SGCZ: variants seen among roughly 807,000 people sequenced by gnomAD.
The protein encoded by SGCZ is sarcoglycan zeta.
A neutral mutation model predicts 41.3 loss-of-function variants in SGCZ; 40 were observed. That is an observed-to-expected ratio of 0.97 (90% CI 0.75 to 1.26). The LOEUF is 1.26. SGCZ is among the 50% of genes most tolerant of loss of function. The pLI is 0.00. For missense variants in SGCZ, 552 were observed against 369.8 expected (o/e 1.49, Z -4.04); for synonymous variants, 206 against 137.5 (o/e 1.50, Z -3.49).
intron 1 of SGCZ, among the ~76,000 whole-genome samples, chr8:14,726,323 T>TA (rs1491404771): frequency 1.7e-5 from 2 of 116,990 alleles, no homozygotes; most frequent in Non-Finnish European, 3.3e-5. Context: ...TATATATATA[T>TA]CTATATATAT....
chr8:14,648,097 C>G (rs1196579874), intron 1 of SGCZ, among the ~76,000 whole-genome samples: 1 of 151,958 alleles, frequency 6.6e-6, no homozygotes, highest in Non-Finnish European at 1.5e-5. Flanking sequence ...CAGGCAAAAA[C>G]TCCAATTCCA....
chr8:14,542,684 T>A (rs1259616616), intron 2 of SGCZ, among the ~76,000 whole-genome samples: 1 of 152,118 alleles, frequency 6.6e-6, no homozygotes. Flanking sequence ...ACTACATCAC[T>A]TCTCTCCATT....
intron 1 of SGCZ, among the ~76,000 whole-genome samples, chr8:14,661,841 TAA>T (rs34935358): frequency 2.0e-5 from 3 of 150,452 alleles, no homozygotes; most frequent in African/African-American, 7.3e-5. Context: ...CTCAAATTGT[TAA>T]AAAAAAAAGA....
intron 1 of SGCZ, among the ~76,000 whole-genome samples, chr8:15,179,789 A>C (rs1353303312): frequency 6.6e-6 from 1 of 152,182 alleles, no homozygotes; most frequent in Non-Finnish European, 1.5e-5. Context: ...CAAAATAAAA[A>C]CGGGTTTGGA....
At chr8:14,611,768 C>T (rs994379461) in intron 1 of SGCZ, among the ~76,000 whole-genome samples, 1 of 151,850 alleles carries the variant, frequency 6.6e-6, no homozygotes, top group Non-Finnish European at 1.5e-5. Context: ...GGAAACAATA[C>T]AAATTTATAT....
chr8:14,632,263 T>G (rs563342483), intron 1 of SGCZ, among the ~76,000 whole-genome samples: 14 of 152,188 alleles, frequency 9.2e-5, no homozygotes, highest in African/African-American at 3.4e-4. Context: ...GCTCATGTGA[T>G]TCTCCCACAT....
chr8:14,515,113 C>G (rs1464366901), intron 2 of SGCZ, among the ~76,000 whole-genome samples: 1 of 151,962 alleles, frequency 6.6e-6, no homozygotes, highest in East Asian at 1.9e-4. Context: ...TTGCTTACAG[C>G]CAGCTCTAGG....
intron 1 of SGCZ, among the ~76,000 whole-genome samples, chr8:14,569,604 G>C (rs1188784964): frequency 6.6e-6 from 1 of 152,168 alleles, no homozygotes; most frequent in Non-Finnish European, 1.5e-5. Flanking sequence ...ACATTCTCTT[G>C]ATGGACACAG....
intron 1 of SGCZ, among the ~76,000 whole-genome samples, chr8:14,738,837 G>C (rs1799121689): frequency 1.3e-5 from 2 of 151,978 alleles, no homozygotes; most frequent in South Asian, 4.1e-4. Context: ...ACGGGCCGCA[G>C]GACAGGGAGT....
intron 1 of SGCZ, among the ~76,000 whole-genome samples, chr8:15,211,209 T>A (rs963291480): frequency 6.6e-6 from 1 of 151,766 alleles, no homozygotes; most frequent in Non-Finnish European, 1.5e-5. Flanking sequence ...ACAGACAGAA[T>A]ATAATACATA....
rs564039308 is a variant in SGCZ at position 14,421,894 on chromosome 8, T to C, written c.235-97690A>G. On this transcript the variant is annotated intron_variant, in intron 2 of 7. Coordinates refer to ENST00000382080, the MANE Select transcript of SGCZ (RefSeq NM_139167.4). The stretch of plus-strand genomic sequence containing the variant: ...AATCCAGAATCCTGCAATGTAACAT[T>C]TTAAGAATGTTAGTGGGAAGCTTAT... Among the ~76,000 whole-genome samples the C allele has an allele frequency of 1.5e-4, 23 of 152,222 alleles. 1 individual carries two copies. Among genetic ancestry groups the C allele is most frequent in the Non-Finnish European group, 2.9e-4 (20 of 67,996 alleles).
At chr8:15,178,801 G>A (rs202020930) in intron 1 of SGCZ, among the ~76,000 whole-genome samples, 1 of 121,900 alleles carries the variant, frequency 8.2e-6, no homozygotes, top group Non-Finnish European at 2.0e-5. Context: ...GTGCAGGGAA[G>A]GAAAAAAACT....
intron 1 of SGCZ, among the ~76,000 whole-genome samples, chr8:14,994,578 G>A (rs1484494727): frequency 1.2e-4 from 18 of 146,728 alleles, no homozygotes; most frequent in Non-Finnish European, 2.5e-4. Context: ...GAGCAAAACT[G>A]TGCATCCAAA....
chr8:14,257,449 T>C (rs1333532894), intron 3 of SGCZ, among the ~76,000 whole-genome samples: 1 of 151,968 alleles, frequency 6.6e-6, no homozygotes, highest in African/African-American at 2.4e-5. Flanking sequence ...TCTTTCTTTT[T>C]TTTTAATACA....
chr8:14,745,207 C>CTG (rs112838518), intron 1 of SGCZ, among the ~76,000 whole-genome samples: 76,780 of 150,944 alleles, frequency 0.51, 21,536 homozygotes, highest in African/African-American at 0.77. Flanking sequence ...TTTAACACTA[C>CTG]TGTGTGTGTG....
chr8:14,804,124 G>C lies in SGCZ; in HGVS notation c.40-249198C>G, dbSNP rs375237839. On this transcript the variant is annotated intron_variant, in intron 1 of 7. Coordinates refer to ENST00000382080, the MANE Select transcript of SGCZ (RefSeq NM_139167.4). ...CAAAAGTAGATAAAACCACAAAGAT[G>C]GGGAAAAAACAGAACAGAAAAACTG... Among the ~76,000 whole-genome samples the C allele has an allele frequency of 3.1e-3, 266 of 85,704 alleles. 6 individuals are homozygous for C. In the East Asian group the frequency reaches 0.045, roughly 14 times the overall value. The allele number at this position is 85,704 out of a possible 152,430, so 56.2% of individuals were successfully genotyped here.
At chr8:15,156,670 G>A (rs559068327) in intron 1 of SGCZ, among the ~76,000 whole-genome samples, 21 of 152,170 alleles carry the variant, frequency 1.4e-4, no homozygotes, top group South Asian at 6.2e-4. Context: ...TCGGCCAGGC[G>A]CGGTGGCTCA....
At chr8:14,583,628 T>A (rs997989322) in intron 1 of SGCZ, among the ~76,000 whole-genome samples, 3 of 152,196 alleles carry the variant, frequency 2.0e-5, no homozygotes, top group African/African-American at 7.2e-5. Flanking sequence ...CTAGGGTTTT[T>A]ATGGTTTTAG....
chr8:14,267,517 T>A (rs781642094), intron 3 of SGCZ, among the ~76,000 whole-genome samples: 1 of 152,118 alleles, frequency 6.6e-6, no homozygotes, highest in Non-Finnish European at 1.5e-5. Flanking sequence ...TTATTGTTTA[T>A]TGTTTAGTGC....
Sources: allele counts gnomAD v4.1 joint callset (sites outside exome capture counted in the v4.1 genomes callset), GRCh38; gene constraint gnomAD v4.1.1; transcripts MANE v1.5; gene names NCBI Gene and HGNC (gene_info 2026-07-23, HGNC 2026-07-21).